ZUP1: variants seen among roughly 807,000 people sequenced by gnomAD.
The protein encoded by ZUP1 is zinc finger containing ubiquitin peptidase 1.
Under a neutral mutation model 68.1 loss-of-function variants are expected in ZUP1, and 55 were observed. That is an observed-to-expected ratio of 0.81 (90% CI 0.65 to 1.01). ZUP1 has a LOEUF of 1.01. Among genes scored for constraint, ZUP1 ranks in the 50% least tolerant of loss-of-function variants. The pLI is 0.00. For synonymous variants in ZUP1, 223 were observed against 221.5 expected, an observed-to-expected ratio of 1.01 and a Z score of -0.06; for missense variants, 684 against 674.9, an observed-to-expected ratio of 1.01 and a Z score of -0.15.
At chr6:116,664,879 GACACACACAC>G (rs144584776) in intron 2 of ZUP1, among the ~76,000 whole-genome samples, 12 of 147,130 alleles carry the variant, frequency 8.2e-5, no homozygotes, top group Non-Finnish European at 1.2e-4. Flanking sequence ...CACAAGTACA[GACACACACAC>G]ACACACACAC....
intron 8 of ZUP1, 60 bp from the exon 9 acceptor site, chr6:116,645,994 C>T: frequency 2.5e-6 from 3 of 1,203,442 alleles, no homozygotes; most frequent in Non-Finnish European, 1.2e-6. Context: ...TACAAATAGT[C>T]TCTGTATGTA....
rs1358304558 is a variant in ZUP1 at position 116,658,891 on chromosome 6, T to G, written c.704A>C (p.Gln235Pro). Residue 235 changes from glutamine (Q) to proline (P), a missense_variant, in exon 4 of 10, where the codon CAA becomes CCA. By Grantham distance (76) the Gln-to-Pro change is moderately conservative (BLOSUM62 -1). Coordinates refer to ENST00000368576, the MANE Select transcript of ZUP1 (RefSeq NM_145062.3). ...MDRVQCSGDL[Q>P]LAHQLQQEED... ...TTCTTGCTGAAGCTGGTGAGCCAAT[T>G]GTAGATCACCAGAACACTGGACTCT... is the stretch of plus-strand genomic sequence containing the variant. 2 of 1,612,276 alleles carry G rather than the reference T, an allele frequency of 1.2e-6. No homozygotes were observed. The highest frequency in any genetic ancestry group is 1.7e-6 in the Non-Finnish European group (2 of 1,179,466).
At chr6:116,665,232 A>C (rs1318873534) in intron 2 of ZUP1, among the ~76,000 whole-genome samples, 1 of 152,168 alleles carries the variant, frequency 6.6e-6, no homozygotes, top group Non-Finnish European at 1.5e-5. Context: ...ATAACTATAC[A>C]AAAAAAGATT....
chr6:116,666,628 C>G lies in ZUP1; in HGVS notation c.559+6G>C, dbSNP rs148253569. 5.1e-5 allele frequency: 79 copies of G among 1,539,388 alleles called. No homozygotes were observed. The African/African-American group carries it at 7.9e-4, about 15-fold the overall frequency. On this transcript the variant is annotated splice_donor_region_variant and intron_variant, in intron 2 of 9. Coordinates refer to ENST00000368576, the MANE Select transcript of ZUP1 (RefSeq NM_145062.3). ...CTTATAATTTATAATGAAATGAAAA[C>G]TTTACCTTCCAATGGAATGTCTAAA... is the stretch of plus-strand genomic sequence containing the variant.
chr6:116,660,904 CTTT>C (rs368048094), intron 2 of ZUP1, 58 bp from the exon 3 acceptor site: 309 of 813,190 alleles, frequency 3.8e-4, no homozygotes, highest in Admixed American at 5.2e-4. Context: ...TTTTTCTTTG[CTTT>C]TTTTTTTTTT....
chr6:116,638,677 T>C (rs1775978115), intron 9 of ZUP1, among the ~76,000 whole-genome samples: 1 of 152,204 alleles, frequency 6.6e-6, no homozygotes, highest in African/African-American at 2.4e-5. Flanking sequence ...TTAAATATTA[T>C]AAAATTAAAC....
intron 9 of ZUP1, among the ~76,000 whole-genome samples, chr6:116,639,815 G>A (rs1332033252): frequency 6.6e-6 from 1 of 152,226 alleles, no homozygotes; most frequent in Admixed American, 6.5e-5. Context: ...TTCCTCACCA[G>A]CAACGGAACA....
chr6:116,645,740 C>CCT lies in ZUP1; in HGVS notation c.1661_1662dup (p.Gly555ArgfsTer6), dbSNP rs1180872072. ...AGTTTCTCCTCTAGAGAAAGAGCAC[C>CCT]CTCTACTGCCAATATCTGGTATTGC... On this transcript the variant is annotated frameshift_variant, in exon 9 of 10. Coordinates refer to ENST00000368576, the MANE Select transcript of ZUP1 (RefSeq NM_145062.3). LOFTEE classifies it high-confidence loss of function. The CCT allele has an allele frequency of 6.2e-7, 1 of 1,612,854 alleles. No homozygotes were observed. The highest frequency in any genetic ancestry group is 2.2e-5 in the East Asian group (1 of 44,796).
intron 2 of ZUP1, among the ~76,000 whole-genome samples, chr6:116,662,906 C>T (rs1776887894): frequency 1.3e-5 from 2 of 152,114 alleles, no homozygotes; most frequent in South Asian, 4.1e-4. Context: ...TTTCTGAAGT[C>T]TTAGACACTC....
Position 116,667,097 on chromosome 6 carries a change from T to G in ZUP1, c.96A>C (p.Pro32=), listed in dbSNP as rs1238289183. 6.2e-7 allele frequency: 1 copy of G among 1,613,614 alleles called. No individual in the cohort carries two copies. The highest frequency in any genetic ancestry group is 8.5e-7 in the Non-Finnish European group (1 of 1,179,834). The change falls in exon 2 of 10, where the codon CCA becomes CCC. Residue 32 remains proline (P), a synonymous_variant. Coordinates refer to ENST00000368576, the MANE Select transcript of ZUP1 (RefSeq NM_145062.3). ...AATTCACACCTGACAACTTGCAAAATGGACATATAATTTCACTTTCCATGT... is the reference window on the plus strand; with the variant it reads ...AATTCACACCTGACAACTTGCAAAAGGGACATATAATTTCACTTTCCATGT... The part of the protein sequence containing the change: ...IVHMESEIIC[P]FCKLSGVNYD...
Position 116,647,506 on chromosome 6 carries a change from G to A in ZUP1, c.1421C>T (p.Pro474Leu), listed in dbSNP as rs755882960. Reference sequence around the variant, plus strand: ...AGGTTTAGATGTACACACTACCTTTGGACTCCCTTCTCCCTCTGAAGAATA... The same window carrying A: ...AGGTTTAGATGTACACACTACCTTTAGACTCCCTTCTCCCTCTGAAGAATA... ...NYYSSEGEGSPKVVCTSKPPI... is the reference protein window; with the variant it reads ...NYYSSEGEGSLKVVCTSKPPI... Residue 474 changes from proline (P) to leucine (L), a missense_variant, in exon 8 of 10, where the codon CCA becomes CTA. By Grantham distance (98) the Pro-to-Leu change is moderately conservative (BLOSUM62 -3). Transcript: ENST00000368576. The A allele has an allele frequency of 1.3e-6, 2 of 1,596,978 alleles. No homozygotes were observed. Among genetic ancestry groups the A allele is most frequent in the East Asian group, 2.2e-5 (1 of 44,660 alleles).
At chr6:116,639,915 C>G (rs1239119227) in intron 9 of ZUP1, among the ~76,000 whole-genome samples, 2 of 152,100 alleles carry the variant, frequency 1.3e-5, no homozygotes, top group African/African-American at 4.8e-5. Flanking sequence ...ATTCAAACCA[C>G]AGGCAAAGAA....
chr6:116,651,701 A>G lies in ZUP1; in HGVS notation c.1187T>C (p.Met396Thr), dbSNP rs745502729. 6.2e-7 allele frequency: 1 copy of G among 1,613,626 alleles called. No individual in the cohort carries two copies. ...ACCTTCCTTCCATGCATCTTCAATC[A>G]TAGATTGAATTTTTGGAATGCAAGG... ...LIPCIPKIQS[M>T]IEDAWKEGFD... The change falls in exon 7 of 10, where the codon ATG becomes ACG. Residue 396 changes from methionine to threonine, a missense_variant. Met to Thr is a moderately conservative substitution (Grantham distance 81). Coordinates refer to ENST00000368576, the MANE Select transcript of ZUP1 (RefSeq NM_145062.3).
chr6:116,667,537 GA>G (rs1344925543), intron 1 of ZUP1, among the ~76,000 whole-genome samples: 1 of 151,928 alleles, frequency 6.6e-6, no homozygotes, highest in Non-Finnish European at 1.5e-5. Context: ...ATGAAGAGAA[GA>G]AACCTATTTA....
At chr6:116,647,890 A>T (rs1036955759) in intron 7 of ZUP1, among the ~76,000 whole-genome samples, 19 of 152,178 alleles carry the variant, frequency 1.2e-4, no homozygotes, top group African/African-American at 4.3e-4. Flanking sequence ...GACTAACCTA[A>T]AGGTTACAAA....
intron 2 of ZUP1, among the ~76,000 whole-genome samples, 157 bp from the exon 3 acceptor site, chr6:116,661,003 C>T (rs904907136): frequency 6.6e-6 from 1 of 151,692 alleles, no homozygotes; most frequent in African/African-American, 2.4e-5. Flanking sequence ...CTCAGCCTCC[C>T]AAGTAGATGG....
In ZUP1 at chr6:116,666,889, T is replaced by C; in HGVS notation, c.304A>G (p.Asn102Asp). Residue 102 changes from asparagine (N) to aspartate (D), a missense_variant, in exon 2 of 10, where the codon AAT becomes GAT. Transcript: ENST00000368576. ...TCTTTAGTCAGGTTTTGAGCTGAAT[T>C]TTTTGGATGATTAGATGCACAACCT... Reference protein sequence around the residue: ...LSGCASNHPKNSAQNLTKDST... With the variant: ...LSGCASNHPKDSAQNLTKDST... 1 of 1,611,262 alleles carries C rather than the reference T, an allele frequency of 6.2e-7. No individual in the cohort carries two copies. Among genetic ancestry groups the C allele is most frequent in the Admixed American group, 1.7e-5 (1 of 59,460 alleles).
chr6:116,641,695 T>C (rs1583360722), intron 9 of ZUP1, among the ~76,000 whole-genome samples: 1 of 151,772 alleles, frequency 6.6e-6, no homozygotes, highest in African/African-American at 2.4e-5. Context: ...AAGCAGTGTG[T>C]AGAGGGAAAT....
At chr6:116,641,374 A>G (rs1009377533) in intron 9 of ZUP1, among the ~76,000 whole-genome samples, 4 of 152,218 alleles carry the variant, frequency 2.6e-5, no homozygotes, top group African/African-American at 9.6e-5. Context: ...ACCCCAAATC[A>G]GCAGAATATA....
Sources: allele counts gnomAD v4.1 joint callset (sites outside exome capture counted in the v4.1 genomes callset), GRCh38; gene constraint gnomAD v4.1.1; transcripts MANE v1.5; gene names NCBI Gene and HGNC (gene_info 2026-07-23, HGNC 2026-07-21).